DTX4: variants seen among roughly 807,000 people sequenced by gnomAD.
DTX4 encodes deltex E3 ubiquitin ligase 4, also known as E3 ubiquitin-protein ligase DTX4.
In DTX4, 28 loss-of-function variants were observed where a neutral mutation model predicts 57.6. The ratio of observed to expected loss-of-function variants is 0.49; its 90% CI spans 0.36 to 0.67. The LOEUF (loss-of-function observed/expected upper bound fraction) is 0.67, where lower values mean the gene tolerates loss of function less well. Among genes scored for constraint, DTX4 ranks in the 30% least tolerant of loss-of-function variants. The probability of loss-of-function intolerance (pLI) is 0.00; values close to 1 mark genes in which losing one functional copy is unlikely to be tolerated. For missense variants in DTX4, 715 were observed against 836.8 expected (o/e 0.85, Z 1.80); for synonymous variants, 316 against 331.0 (o/e 0.95, Z 0.49).
chr11:59,195,417 T>C, intron 7 of DTX4, 48 bp downstream of exon 7: 1 of 1,549,516 alleles, frequency 6.5e-7, no homozygotes, highest in Non-Finnish European at 8.7e-7. Context: ...TTGGTTTTTA[T>C]TGTTCTATGT....
At chr11:59,176,346 C>T (rs1862395578) in intron 1 of DTX4, among the ~76,000 whole-genome samples, 2 of 152,204 alleles carry the variant, frequency 1.3e-5, no homozygotes, top group African/African-American at 4.8e-5. Context: ...TTATTATCCC[C>T]ATTTTATAAG....
chr11:59,183,334 G>T (rs563413487), intron 2 of DTX4, among the ~76,000 whole-genome samples: 2 of 152,196 alleles, frequency 1.3e-5, no homozygotes. Context: ...CTTATTATGT[G>T]CCAGGCACTT....
Position 59,204,895 on chromosome 11 carries a change from C to A in DTX4, c.1846C>A (p.Gln616Lys). ...AQGISEDSTAQEKD is the reference protein window; with the variant it reads ...AQGISEDSTAKEKD ...GGGCATCTCTGAGGACAGCACTGCCCAGGAGAAGGACTGAGGCCAGAAAAG... is the reference window on the plus strand; with the variant it reads ...GGGCATCTCTGAGGACAGCACTGCCAAGGAGAAGGACTGAGGCCAGAAAAG... Residue 616 changes from glutamine (Q) to lysine (K), a missense_variant, in exon 9 of 9, where the codon CAG becomes AAG. Coordinates refer to ENST00000227451, the MANE Select transcript of DTX4 (RefSeq NM_015177.2). The A allele has an allele frequency of 6.3e-7, 1 of 1,583,404 alleles. No individual in the cohort carries two copies. Among genetic ancestry groups the A allele is most frequent in the South Asian group, 1.2e-5 (1 of 86,950 alleles).
chr11:59,182,647 G>A (rs577685842), intron 2 of DTX4, among the ~76,000 whole-genome samples, 185 bp downstream of exon 2: 38 of 152,296 alleles, frequency 2.5e-4, no homozygotes, highest in Non-Finnish European at 4.7e-4. Context: ...TTGATGCTTG[G>A]CCTCTGATCT....
chr11:59,180,327 G>C (rs1416496861), intron 1 of DTX4, among the ~76,000 whole-genome samples: 1 of 152,146 alleles, frequency 6.6e-6, no homozygotes, highest in Non-Finnish European at 1.5e-5. Flanking sequence ...CCCCAGCAGA[G>C]GCCATGGTGA....
chr11:59,175,523 T>G (rs550025778), intron 1 of DTX4, among the ~76,000 whole-genome samples: 1 of 152,308 alleles, frequency 6.6e-6, no homozygotes, highest in East Asian at 1.9e-4. Flanking sequence ...AGGTCTGATC[T>G]TATTTGCATT....
intron 6 of DTX4, among the ~76,000 whole-genome samples, chr11:59,192,770 A>G (rs1172011210): frequency 6.6e-6 from 1 of 152,202 alleles, no homozygotes; most frequent in Non-Finnish European, 1.5e-5. Context: ...GACTGTTGCC[A>G]AAGTACACCT....
intron 1 of DTX4, among the ~76,000 whole-genome samples, chr11:59,179,303 C>T (rs1190242975): frequency 6.6e-6 from 1 of 152,150 alleles, no homozygotes. Flanking sequence ...AGGGGCAGGT[C>T]CCCAGTGAAA....
chr11:59,183,748 G>C (rs549525767), intron 2 of DTX4, among the ~76,000 whole-genome samples: 2 of 152,324 alleles, frequency 1.3e-5, no homozygotes, highest in Admixed American at 1.3e-4. Context: ...TGGAAATCCA[G>C]AGGCCCAGCC....
intron 1 of DTX4, among the ~76,000 whole-genome samples, chr11:59,180,460 G>C (rs140374576): frequency 6.6e-6 from 1 of 152,208 alleles, no homozygotes; most frequent in African/African-American, 2.4e-5. Flanking sequence ...AATAGCCATT[G>C]TTTCTTTTCT....
At chr11:59,195,621 G>T (rs1033942060) in intron 7 of DTX4, among the ~76,000 whole-genome samples, 2 of 151,324 alleles carry the variant, frequency 1.3e-5, no homozygotes, top group East Asian at 3.9e-4. Flanking sequence ...TTCACAAACA[G>T]TGACATTTAG....
intron 2 of DTX4, among the ~76,000 whole-genome samples, chr11:59,187,775 C>T (rs562409205): frequency 4.6e-5 from 7 of 152,320 alleles, no homozygotes; most frequent in South Asian, 4.1e-4. Context: ...GTGGGAGGGC[C>T]GCGCCTTTCC....
chr11:59,174,433 CG>C (rs1410296548), intron 1 of DTX4, among the ~76,000 whole-genome samples: 4 of 143,808 alleles, frequency 2.8e-5, no homozygotes, highest in African/African-American at 5.4e-5. Context: ...AGCTGAGCCA[CG>C]GAGGTGGGAC....
intron 3 of DTX4, 57 bp from the exon 4 acceptor site, chr11:59,189,105 G>T (rs766376940): frequency 5.2e-5 from 83 of 1,594,040 alleles, no homozygotes; most frequent in Admixed American, 1.5e-4. Context: ...GAGGAATTTG[G>T]GGAATGTTGA....
rs961541833 is a variant in DTX4, at chr11:59,199,723, C to T, written c.1576C>T (p.Arg526Ter). 8.9e-6 allele frequency: 14 copies of T among 1,577,128 alleles called. No homozygotes were observed. The highest frequency in any genetic ancestry group is 3.5e-5 in the South Asian group (3 of 85,482). ...HPNPGKSFSARGFPRHCYLPD... is the reference protein window; with the variant it reads ...HPNPGKSFSA ...GAATCCTGGGAAGAGTTTCAGCGCC[C>T]GAGGCTTCCCACGACACTGTTACCT... is the stretch of plus-strand genomic sequence containing the variant. Residue 526 changes from arginine to a stop codon, truncating the protein, a stop_gained, in exon 8 of 9, where the codon CGA becomes TGA. Coordinates refer to ENST00000227451, the MANE Select transcript of DTX4 (RefSeq NM_015177.2). LOFTEE classifies it high-confidence loss of function.
intron 2 of DTX4, among the ~76,000 whole-genome samples, chr11:59,187,469 C>T (rs1862542529): frequency 6.6e-6 from 1 of 152,224 alleles, no homozygotes; most frequent in South Asian, 2.1e-4. Context: ...GGCCATGAGC[C>T]ATGTGTTCAC....
At chr11:59,194,524 A>G (rs1862638242) in intron 6 of DTX4, among the ~76,000 whole-genome samples, 1 of 152,222 alleles carries the variant, frequency 6.6e-6, no homozygotes, top group Non-Finnish European at 1.5e-5. Flanking sequence ...AAAAATGCTA[A>G]TAACATTTAG....
chr11:59,178,223 G>C (rs1457449221), intron 1 of DTX4, among the ~76,000 whole-genome samples: 3 of 152,074 alleles, frequency 2.0e-5, no homozygotes, highest in Admixed American at 6.5e-5. Flanking sequence ...GGCCAGTGTA[G>C]CTGAAATGTG....
intron 8 of DTX4, among the ~76,000 whole-genome samples, chr11:59,203,895 T>C (rs577778385): frequency 3.2e-4 from 48 of 152,326 alleles, no homozygotes; most frequent in Non-Finnish European, 6.5e-4. Context: ...CTGCTTTCAT[T>C]ACTAATACTA....
Sources: gnomAD v4.1 joint callset for allele counts (sites outside exome capture counted in the v4.1 genomes callset) on GRCh38, gnomAD v4.1.1 for gene constraint, MANE v1.5 for transcripts, NCBI Gene and HGNC (gene_info 2026-07-23, HGNC 2026-07-21) for gene names.